The following SGCZ variants were observed in gnomAD, a reference collection of about 807,000 sequenced individuals.
The protein encoded by SGCZ is zeta-sarcoglycan.
SGCZ carries 40 observed loss-of-function variants against 41.3 expected under a neutral mutation model. The observed-to-expected ratio is 0.97, with a 90% CI of 0.75 to 1.26. SGCZ has a LOEUF of 1.26. Ranked by LOEUF, SGCZ falls within the 50% of genes most tolerant of loss-of-function variation. The pLI is 0.00. For missense variants in SGCZ, 552 were observed against 369.8 expected, an observed-to-expected ratio of 1.49 and a Z score of -4.04; for synonymous variants, 206 against 137.5, an observed-to-expected ratio of 1.50 and a Z score of -3.49.
At position 14,645,178 on chromosome 8, in the gene SGCZ, T is replaced by A. The variant is rs138318946; in HGVS notation, c.40-90252A>T. On this transcript the variant is annotated intron_variant, in intron 1 of 7. Coordinates refer to ENST00000382080, the MANE Select transcript of SGCZ (RefSeq NM_139167.4). Reference sequence around the variant, plus strand: ...TCAACTTAAACTATAAAATGAGGAATGGATCTCTGAATGATTTTTAAATTA... The same window carrying A: ...TCAACTTAAACTATAAAATGAGGAAAGGATCTCTGAATGATTTTTAAATTA... Among the ~76,000 whole-genome samples the A allele has an allele frequency of 5.4e-3, 827 of 151,796 alleles. 7 individuals are homozygous for A. Among genetic ancestry groups the A allele is most frequent in the African/African-American group, 0.017 (709 of 41,492 alleles).
chr8:14,890,313 A>C (rs903612287), intron 1 of SGCZ, among the ~76,000 whole-genome samples: 1 of 152,154 alleles, frequency 6.6e-6, no homozygotes, highest in Non-Finnish European at 1.5e-5. Flanking sequence ...AAGAAAAGAA[A>C]AAGTTCTTGA....
intron 1 of SGCZ, among the ~76,000 whole-genome samples, chr8:14,782,431 G>C (rs1800620184): frequency 6.6e-6 from 1 of 151,938 alleles, no homozygotes; most frequent in Non-Finnish European, 1.5e-5. Context: ...CTGTGTGTTT[G>C]GTTTTGGTTT....
chr8:14,418,338 C>T (rs1799551994), intron 2 of SGCZ, among the ~76,000 whole-genome samples: 1 of 151,760 alleles, frequency 6.6e-6, no homozygotes, highest in Non-Finnish European at 1.5e-5. Flanking sequence ...GGAGTGGCTC[C>T]TTAAAGCATT....
chr8:15,030,618 T>A (rs1052090357), intron 1 of SGCZ, among the ~76,000 whole-genome samples: 1 of 152,172 alleles, frequency 6.6e-6, no homozygotes, highest in Admixed American at 6.5e-5. Context: ...AAGTGGAGTA[T>A]TTGTTGAGTA....
intron 1 of SGCZ, among the ~76,000 whole-genome samples, chr8:15,080,520 G>A (rs1307949733): frequency 1.3e-5 from 2 of 152,246 alleles, no homozygotes; most frequent in South Asian, 2.1e-4. Context: ...TGACTGGTTT[G>A]GAGATGGAGC....
At chr8:14,318,281 A>T (rs1801783031) in intron 3 of SGCZ, among the ~76,000 whole-genome samples, 1 of 151,778 alleles carries the variant, frequency 6.6e-6, no homozygotes, top group Non-Finnish European at 1.5e-5. Context: ...GGAAGAAAGG[A>T]TCCTACCTAA....
chr8:14,494,704 A>G (rs1801940658), intron 2 of SGCZ, among the ~76,000 whole-genome samples: 1 of 152,208 alleles, frequency 6.6e-6, no homozygotes, highest in South Asian at 2.1e-4. Flanking sequence ...GCTGAAAGAT[A>G]GAAGATCAGC....
intron 4 of SGCZ, among the ~76,000 whole-genome samples, chr8:14,174,967 A>G (rs1277248472): frequency 6.6e-6 from 1 of 152,052 alleles, no homozygotes; most frequent in African/African-American, 2.4e-5. Flanking sequence ...CAGGGGTCAT[A>G]TTGTATGGTC....
chr8:14,545,653 G>T (rs1473486826), intron 2 of SGCZ, among the ~76,000 whole-genome samples: 2 of 152,020 alleles, frequency 1.3e-5, no homozygotes, highest in African/African-American at 4.8e-5. Context: ...ATCCACAAGG[G>T]CAAATGGTTT....
At chr8:14,209,798 A>G (rs1243923002) in intron 4 of SGCZ, among the ~76,000 whole-genome samples, 1 of 152,056 alleles carries the variant, frequency 6.6e-6, no homozygotes, top group East Asian at 1.9e-4. Context: ...TGGTATTTAA[A>G]TATTTCTGAA....
intron 6 of SGCZ, among the ~76,000 whole-genome samples, chr8:14,107,955 T>C (rs1038941117): frequency 1.3e-5 from 2 of 152,154 alleles, no homozygotes; most frequent in African/African-American, 4.8e-5. Flanking sequence ...AGGATCCCTG[T>C]TTTTATTAGT....
At chr8:14,882,309 G>C (rs575919895) in intron 1 of SGCZ, among the ~76,000 whole-genome samples, 60 of 152,194 alleles carry the variant, frequency 3.9e-4, no homozygotes, top group African/African-American at 1.4e-3. Flanking sequence ...GTCCACCACA[G>C]ACTATAAATT....
intron 2 of SGCZ, among the ~76,000 whole-genome samples, chr8:14,470,817 C>T (rs1193988320): frequency 6.6e-6 from 1 of 152,138 alleles, no homozygotes; most frequent in African/African-American, 2.4e-5. Flanking sequence ...GAAAAGATTG[C>T]TTTGCCATAG....
rs562880897 is a variant in SGCZ, at chr8:14,758,685, T to C, written c.40-203759A>G. ...AAATAACTACATTAAAGCGAAATTA[T>C]TTACCATTTATTTCTTTATTTTCTT... is the stretch of plus-strand genomic sequence containing the variant. On this transcript the variant is annotated intron_variant, in intron 1 of 7. Coordinates refer to ENST00000382080, the MANE Select transcript of SGCZ (RefSeq NM_139167.4). 4.6e-5 allele frequency among the ~76,000 whole-genome samples: 7 copies of C among 152,292 alleles called. No homozygotes were observed. The East Asian group carries it at 1.4e-3, about 29-fold the overall frequency.
chr8:14,893,687 T>C (rs1257544275), intron 1 of SGCZ, among the ~76,000 whole-genome samples: 3 of 152,210 alleles, frequency 2.0e-5, no homozygotes, highest in Non-Finnish European at 4.4e-5. Flanking sequence ...CACTATGAAC[T>C]ATGCTGATAA....
chr8:14,462,721 A>G (rs530720635), intron 2 of SGCZ, among the ~76,000 whole-genome samples: 3 of 151,542 alleles, frequency 2.0e-5, no homozygotes, highest in Non-Finnish European at 3.0e-5. Flanking sequence ...CATTCTATAT[A>G]AATTTTAGGA....
At chr8:14,724,155 T>C (rs1809978007) in intron 1 of SGCZ, among the ~76,000 whole-genome samples, 1 of 152,262 alleles carries the variant, frequency 6.6e-6, no homozygotes, top group East Asian at 1.9e-4. Flanking sequence ...CAAGTCTAAA[T>C]GTGTGGAGAA....
intron 1 of SGCZ, among the ~76,000 whole-genome samples, chr8:14,813,994 C>G (rs1017728990): frequency 6.6e-6 from 1 of 152,016 alleles, no homozygotes; most frequent in East Asian, 1.9e-4. Flanking sequence ...CACATACCCA[C>G]AAGTGCTACA....
At chr8:14,554,686 T>C in intron 2 of SGCZ, 46 bp downstream of exon 2, 1 of 1,509,294 alleles carries the variant, frequency 6.6e-7, no homozygotes, top group African/African-American at 1.4e-5. Flanking sequence ...AGCTAGATTG[T>C]CTCTGAACCA....
Sources: gnomAD v4.1 joint callset for allele counts (sites outside exome capture counted in the v4.1 genomes callset) on GRCh38, gnomAD v4.1.1 for gene constraint, MANE v1.5 for transcripts, NCBI Gene and HGNC (gene_info 2026-07-23, HGNC 2026-07-21) for gene names.